ZFHX3: variants seen among roughly 807,000 people sequenced by gnomAD.
The protein encoded by ZFHX3 is zinc finger homeobox protein 3.
ZFHX3 carries 42 observed loss-of-function variants against 279.1 expected under a neutral mutation model. That is an observed-to-expected ratio of 0.15 (90% CI 0.12 to 0.19). The LOEUF (loss-of-function observed/expected upper bound fraction) is 0.19, where lower values mean the gene tolerates loss of function less well. Ranked by LOEUF, ZFHX3 falls within the 10% of genes least tolerant of loss-of-function variation. The pLI, the probability that ZFHX3 is intolerant of heterozygous loss-of-function variation, is 1.00. For missense variants in ZFHX3, 4,981 were observed against 4,754.0 expected (o/e 1.05, Z -1.40); for synonymous variants, 2,293 against 1,957.8 (o/e 1.17, Z -4.52).
At chr16:73,430,073 A>G (rs2143512682) in intron 3 of ZFHX3, among the ~76,000 whole-genome samples, 1 of 151,978 alleles carries the variant, frequency 6.6e-6, no homozygotes, top group East Asian at 1.9e-4. Flanking sequence ...TTTTTTTTGT[A>G]GAGACAGGGT....
At chr16:73,853,994 C>A (rs73603546) in intron 1 of ZFHX3, among the ~76,000 whole-genome samples, 3 of 152,184 alleles carry the variant, frequency 2.0e-5, no homozygotes, top group Admixed American at 2.0e-4. Flanking sequence ...GTCTTTGATA[C>A]TGAAGGTTAG....
intron 5 of ZFHX3, among the ~76,000 whole-genome samples, chr16:73,216,388 G>A (rs1012730355): frequency 1.1e-4 from 16 of 152,148 alleles, no homozygotes; most frequent in Admixed American, 1.0e-3. Context: ...AACTGAATTG[G>A]TTCCCGTCCT....
chr16:73,014,000 G>C (rs886086748), intron 1 of ZFHX3, among the ~76,000 whole-genome samples: 1 of 152,204 alleles, frequency 6.6e-6, no homozygotes, highest in East Asian at 1.9e-4. Flanking sequence ...TAGAGGAGAT[G>C]ATCGTGGATT....
rs1448927162 is a variant in ZFHX3 at position 73,125,794 on chromosome 16, GTGTATATA to G, written c.-897+5166_-897+5173del. On this transcript the variant is annotated intron_variant, in intron 7 of 17. Coordinates refer to the ZFHX3 transcript ENST00000641206. ...AATAAACTCCCATATATATATATGT[GTGTATATA>G]TGTATATATATATGCATATATATAC... is the stretch of plus-strand genomic sequence containing the variant. Among the ~76,000 whole-genome samples, 10 of 151,922 alleles carry G rather than the reference GTGTATATA, an allele frequency of 6.6e-5. No homozygotes were observed. The East Asian group carries it at 1.9e-3, about 29-fold the overall frequency.
intron 1 of ZFHX3, among the ~76,000 whole-genome samples, chr16:73,686,396 T>G (rs374857401): frequency 6.6e-6 from 1 of 152,266 alleles, no homozygotes. Context: ...CTGGTCATAT[T>G]CAGACATTTC....
intron 3 of ZFHX3, among the ~76,000 whole-genome samples, chr16:73,362,383 G>C (rs558557960): frequency 1.3e-5 from 2 of 152,198 alleles, no homozygotes; most frequent in Admixed American, 6.5e-5. Flanking sequence ...GATGGCCCAG[G>C]AACAGAGTCA....
At chr16:73,604,160 T>C (rs2052153921) in intron 2 of ZFHX3, among the ~76,000 whole-genome samples, 1 of 152,074 alleles carries the variant, frequency 6.6e-6, no homozygotes, top group Admixed American at 6.5e-5. Context: ...TATAGATAGA[T>C]ATAGATATAT....
intron 2 of ZFHX3, among the ~76,000 whole-genome samples, chr16:73,468,464 G>T (rs2018609525): frequency 6.6e-6 from 1 of 152,174 alleles, no homozygotes; most frequent in African/African-American, 2.4e-5. Flanking sequence ...AGCTAGGCGT[G>T]GTGGCTCACA....
intron 2 of ZFHX3, among the ~76,000 whole-genome samples, chr16:73,612,885 C>T (rs892404370): frequency 6.6e-5 from 10 of 150,592 alleles, no homozygotes; most frequent in African/African-American, 2.0e-4. Context: ...AAAATGATTT[C>T]GATGAAATGA....
intron 3 of ZFHX3, among the ~76,000 whole-genome samples, chr16:73,404,368 T>C (rs1313146655): frequency 1.3e-5 from 2 of 152,206 alleles, no homozygotes; most frequent in East Asian, 3.8e-4. Context: ...AGTGACCATC[T>C]TTGAGTGCTT....
chr16:72,910,197 G>C (rs1283477021), intron 3 of ZFHX3, among the ~76,000 whole-genome samples: 1 of 152,188 alleles, frequency 6.6e-6, no homozygotes, highest in Non-Finnish European at 1.5e-5. Flanking sequence ...ACGCCACTTT[G>C]AACGAACCTA....
intron 3 of ZFHX3, among the ~76,000 whole-genome samples, chr16:73,437,623 A>G (rs1248516326): frequency 1.3e-5 from 2 of 152,078 alleles, no homozygotes; most frequent in Non-Finnish European, 2.9e-5. Context: ...ATTTCCCCCC[A>G]TTACTTTTGA....
At chr16:73,197,582 T>C (rs1164957795) in intron 5 of ZFHX3, among the ~76,000 whole-genome samples, 1 of 152,230 alleles carries the variant, frequency 6.6e-6, no homozygotes, top group East Asian at 1.9e-4. Context: ...ATGACTTATC[T>C]GGATATTTCA....
chr16:73,031,119 C>T (rs1377499030), intron 1 of ZFHX3, among the ~76,000 whole-genome samples: 1 of 152,198 alleles, frequency 6.6e-6, no homozygotes, highest in African/African-American at 2.4e-5. Flanking sequence ...CCCAAGAGGT[C>T]ACAAGGATCT....
chr16:73,161,085 G>T (rs1295629506), intron 5 of ZFHX3, among the ~76,000 whole-genome samples: 1 of 152,100 alleles, frequency 6.6e-6, no homozygotes. Context: ...CGATTCTCCT[G>T]CCTCAGCCTC....
At chr16:73,760,404 T>C (rs559796852) in intron 1 of ZFHX3, among the ~76,000 whole-genome samples, 6 of 151,804 alleles carry the variant, frequency 4.0e-5, no homozygotes, top group Admixed American at 1.3e-4. Context: ...TTCCAAACAA[T>C]AGAAAAAGAG....
chr16:73,093,429 G>A (rs1050965387), exon 8 of ZFHX3: 6 of 480,434 alleles, frequency 1.2e-5, no homozygotes, highest in Non-Finnish European at 2.5e-5. Context: ...GTCCGTTTGA[G>A]GGCCCCTTTC....
At chr16:73,796,892 C>G (rs374620735) in intron 1 of ZFHX3, among the ~76,000 whole-genome samples, 18 of 152,298 alleles carry the variant, frequency 1.2e-4, no homozygotes, top group Admixed American at 6.5e-4. Flanking sequence ...AGCTTCCAGG[C>G]TGAAGAAATG....
At chr16:72,997,114 C>G (rs1186591852) in intron 1 of ZFHX3, among the ~76,000 whole-genome samples, 2 of 152,338 alleles carry the variant, frequency 1.3e-5, no homozygotes, top group Non-Finnish European at 2.9e-5. Context: ...AGAAATCTAA[C>G]TTTTCTATAA....
Sources: gnomAD v4.1 joint callset for allele counts (sites outside exome capture counted in the v4.1 genomes callset) on GRCh38, gnomAD v4.1.1 for gene constraint, MANE v1.5 for transcripts, NCBI Gene and HGNC (gene_info 2026-07-23, HGNC 2026-07-21) for gene names.